COPB2: variants seen among roughly 807,000 people sequenced by gnomAD.
COPB2 encodes coat protein complex I subunit beta 2.
A neutral mutation model predicts 120.8 loss-of-function variants in COPB2; 16 were observed. The observed-to-expected ratio is 0.13, with a 90% confidence interval of 0.09 to 0.20. The LOEUF (loss-of-function observed/expected upper bound fraction) is 0.20. Among genes scored for constraint, COPB2 ranks in the 10% least tolerant of loss-of-function variants. COPB2 has a pLI of 1.00. For missense variants in COPB2, 794 were observed against 1,076.5 expected (o/e 0.74, Z 3.67); for synonymous variants, 332 against 366.3 (o/e 0.91, Z 1.07).
At chr3:139,366,416 G>C (rs1165242463) in intron 15 of COPB2, 152 bp downstream of exon 15, 1 of 646,374 alleles carries the variant, frequency 1.5e-6, no homozygotes. Flanking sequence ...GGTGTATCAT[G>C]TGCTGTAATA....
intron 1 of COPB2, among the ~76,000 whole-genome samples, chr3:139,385,605 T>C (rs1418132814): frequency 6.6e-6 from 1 of 152,068 alleles, no homozygotes; most frequent in South Asian, 2.1e-4. Context: ...TGGATTTAAA[T>C]TACAGAAACA....
At chr3:139,371,912 T>A in intron 9 of COPB2, 79 bp from the exon 10 acceptor site, 1 of 987,692 alleles carries the variant, frequency 1.0e-6, no homozygotes, top group Non-Finnish European at 1.5e-6. Flanking sequence ...ATTCATGTTA[T>A]GGTAAAAGAA....
intron 1 of COPB2, among the ~76,000 whole-genome samples, chr3:139,388,618 C>A (rs1335379861): frequency 6.8e-6 from 1 of 147,162 alleles, no homozygotes. Flanking sequence ...TTCTGTGCTT[C>A]ATAACAAGTT....
intron 2 of COPB2, chr3:139,381,847 G>A (rs550959170): frequency 1.7e-4 from 26 of 150,818 alleles, no homozygotes; most frequent in African/African-American, 5.6e-4. Flanking sequence ...GGACACCAAC[G>A]TATCTGTTAA....
Position 139,359,307 on chromosome 3 carries a change from A to T in COPB2, c.2266T>A (p.Phe756Ile), listed in dbSNP as rs558372234. Residue 756 changes from phenylalanine to isoleucine, a missense_variant, in exon 18 of 22, where the codon TTC becomes ATC. This residue lies in a region of COPB2 where 178 missense variants were observed against 183.2 expected (regional missense o/e 0.97). Transcript: ENST00000333188. ...CTGGGTAAGTAAGTTCGGGCCAAGA[A>T]GGCAGCTTCTGGCAGCCGTCCAGTT... The part of the protein sequence containing the change: ...IRTGRLPEAA[F>I]LARTYLPSQV... 2 of 1,614,212 alleles carry T rather than the reference A, an allele frequency of 1.2e-6. No homozygotes were observed. The highest frequency in any genetic ancestry group is 1.7e-5 in the Admixed American group (1 of 60,034).
At chr3:139,373,543 G>C in intron 8 of COPB2, 123 bp downstream of exon 8, 4 of 1,500,776 alleles carry the variant, frequency 2.7e-6, no homozygotes, top group Admixed American at 1.8e-5. Context: ...ATTGCTTAAT[G>C]TCTAGTGCTT....
intron 19 of COPB2, 65 bp downstream of exon 19, chr3:139,358,931 CTG>C: frequency 1.3e-6 from 2 of 1,583,718 alleles, no homozygotes; most frequent in Non-Finnish European, 8.6e-7. Context: ...AGTTCAAAAT[CTG>C]AAGTCCTGAA....
At chr3:139,373,472 AAC>A (rs1379424218) in intron 8 of COPB2, 60 bp from the exon 9 acceptor site, 5 of 1,583,528 alleles carry the variant, frequency 3.2e-6, no homozygotes, top group African/African-American at 2.7e-5. Context: ...ACCAAAACAA[AAC>A]AGATTATTTT....
rs115120103 is a variant in COPB2 at position 139,389,460 on chromosome 3, A to G, written c.3+88T>C. The stretch of plus-strand genomic sequence containing the variant: ...GGCGGCCGCAGCGGGAGCCCAGACC[A>G]CTGCTTACCGCGGCCCTCAGTCCAG... On this transcript the variant is annotated intron_variant, in intron 1 of 21. Transcript: ENST00000333188. 3.0e-3 allele frequency: 4,264 copies of G among 1,445,186 alleles called. 129 individuals carry two copies. In the African/African-American group the frequency reaches 0.055, roughly 19 times the overall value. The allele number at this position is 1,445,186 out of a possible 1,614,324, so 89.5% of individuals were successfully genotyped here. A position where few individuals can be genotyped will look rare whatever the true frequency, so the allele number is the denominator to read the frequency against.
chr3:139,360,996 G>C, intron 17 of COPB2, 85 bp downstream of exon 17: 1 of 1,457,470 alleles, frequency 6.9e-7, no homozygotes, highest in South Asian at 1.2e-5. Flanking sequence ...CCATTCATCA[G>C]TTCTCTCCAG....
intron 15 of COPB2, among the ~76,000 whole-genome samples, chr3:139,364,314 T>TCACCTCCCCTCTCC (rs1941478540): frequency 6.6e-6 from 1 of 151,684 alleles, no homozygotes; most frequent in Non-Finnish European, 1.5e-5. Flanking sequence ...CTCCCCTCTC[T>TCACCTCCCCTCTCC]CACCTCCCCT....
At position 139,369,328 on chromosome 3, in the gene COPB2, T is replaced by C; in HGVS notation, c.1334A>G (p.Asn445Ser). The change falls in exon 12 of 22, where the codon AAT (asparagine) becomes AGT (serine). Residue 445 changes from asparagine to serine, a missense_variant. Asn to Ser is a conservative substitution (Grantham distance 46). Around this residue, in one of 3 missense-constraint regions of COPB2, gnomAD observed 610 missense variants for 866.7 expected, o/e 0.70. Transcript: ENST00000333188. Reference sequence around the variant, plus strand: ...GTCCCAGTCATAGAAGGCTAAGCCATTTACAGATCTGACTCCCAATAAGAA... The same window carrying C: ...GTCCCAGTCATAGAAGGCTAAGCCACTTACAGATCTGACTCCCAATAAGAA... ...GGFLLGVRSV[N>S]GLAFYDWDNT... 1 of 1,613,758 alleles carries C rather than the reference T, an allele frequency of 6.2e-7. No individual in the cohort carries two copies. Among genetic ancestry groups the C allele is most frequent in the African/African-American group, 1.3e-5 (1 of 75,008 alleles).
chr3:139,383,805 TAAC>T, intron 1 of COPB2, among the ~76,000 whole-genome samples: 1 of 91,600 alleles, frequency 1.1e-5, no homozygotes, highest in South Asian at 4.0e-4. Flanking sequence ...CATTTTCAAA[TAAC>T]AAAAATAAAT....
intron 1 of COPB2, among the ~76,000 whole-genome samples, chr3:139,386,667 A>G (rs1467238883): frequency 1.3e-5 from 2 of 152,204 alleles, no homozygotes; most frequent in East Asian, 3.8e-4. Context: ...ACAGGTATGA[A>G]GAGTCTATTA....
At chr3:139,358,385 G>A (rs1941334934) in intron 20 of COPB2, 114 bp from the exon 21 acceptor site, 5 of 955,124 alleles carry the variant, frequency 5.2e-6, no homozygotes, top group Non-Finnish European at 8.1e-6. Flanking sequence ...ATGTTTAAAA[G>A]TGAACCATCT....
At position 139,374,740 on chromosome 3, in the gene COPB2, CTTG is replaced by C. The variant is rs201812175; in HGVS notation, c.652-155_652-153del. 7.4e-4 allele frequency: 355 copies of C among 477,696 alleles called. 2 individuals are homozygous for C. In the East Asian group the frequency reaches 0.011, roughly 15 times the overall value. 29.6% of individuals were successfully genotyped at this position (477,696 alleles called of 1,614,324 possible). A position where few individuals can be genotyped will look rare whatever the true frequency, so the allele number is the denominator to read the frequency against. On this transcript the variant is annotated intron_variant, in intron 6 of 21. Coordinates refer to ENST00000333188, the MANE Select transcript of COPB2 (RefSeq NM_004766.3). ...ATAGAAATTTTTGAAATAGGATGAT[CTTG>C]TTGTATATATGAATATTTTATCTAA...
chr3:139,364,310 T>C (rs1320401885), intron 15 of COPB2, among the ~76,000 whole-genome samples: 1 of 150,908 alleles, frequency 6.6e-6, no homozygotes, highest in African/African-American at 2.4e-5. Flanking sequence ...CCACCTCCCC[T>C]CTCTCACCTC....
rs188192814 is a variant in COPB2 at position 139,376,875 on chromosome 3, G to A, written c.504+1166C>T. Among the ~76,000 whole-genome samples, 245 of 152,200 alleles carry A rather than the reference G, an allele frequency of 1.6e-3. 1 individual carries two copies. Among genetic ancestry groups the A allele is most frequent in the African/African-American group, 2.3e-3 (96 of 41,540 alleles). On this transcript the variant is annotated intron_variant, in intron 5 of 21. Transcript: ENST00000333188. ...TGCCATTCTCCTGCCTCAGCCTCCC[G>A]AGTAGATGGGGCTACAGGCGCCTGC...
chr3:139,367,232 C>T (rs2107800407), intron 13 of COPB2, 87 bp from the exon 14 acceptor site: 3 of 1,389,980 alleles, frequency 2.2e-6, no homozygotes, highest in Non-Finnish European at 2.9e-6. Context: ...GGTGATATGG[C>T]AGAATAAGGA....
Sources: allele counts gnomAD v4.1 joint callset (sites outside exome capture counted in the v4.1 genomes callset), GRCh38; gene constraint gnomAD v4.1.1; regional missense constraint gnomAD v4.1.1; transcripts MANE v1.5; gene names NCBI Gene and HGNC (gene_info 2026-07-23, HGNC 2026-07-21).